ABCA12: variants seen among roughly 807,000 people sequenced by gnomAD.
ABCA12 encodes the protein glucosylceramide transporter ABCA12.
ABCA12 carries 156 observed loss-of-function variants against 293.5 expected under a neutral mutation model. The ratio of observed to expected loss-of-function variants is 0.53; its 90% CI spans 0.47 to 0.61. The LOEUF is 0.61. ABCA12 is among the 20% of genes least tolerant of loss of function. ABCA12 has a pLI of 0.00. For synonymous variants in ABCA12, 1,063 were observed against 1,108.0 expected (o/e 0.96, Z 0.81); for missense variants, 2,797 against 3,090.2 (o/e 0.91, Z 2.25).
Position 214,954,042 on chromosome 2 carries a change from G to C in ABCA12, c.6459C>G (p.Gly2153=). Reference sequence around the variant, plus strand: ...GTTGAGAAAGTTCAATCAAACCGTAGCCAAAACAGAATTGTGGGAAAATCA... The same window carrying C: ...GTTGAGAAAGTTCAATCAAACCGTACCCAAAACAGAATTGTGGGAAAATCA... ...IFLIFPQFCF[G]YGLIELSQQQ... is the part of the protein sequence containing the mutation. The change falls in exon 44 of 53, where the codon GGC becomes GGG. Residue 2153 remains glycine (G), a synonymous_variant. Coordinates refer to ENST00000272895, the MANE Select transcript of ABCA12 (RefSeq NM_173076.3). 6.2e-7 allele frequency: 1 copy of C among 1,613,992 alleles called. No homozygotes were observed. Among genetic ancestry groups the C allele is most frequent in the Non-Finnish European group, 8.5e-7 (1 of 1,179,964 alleles).
intron 11 of ABCA12, among the ~76,000 whole-genome samples, chr2:215,024,627 A>G (rs1341968875): frequency 6.6e-6 from 1 of 152,190 alleles, no homozygotes; most frequent in Non-Finnish European, 1.5e-5. Flanking sequence ...GCTAAAATGT[A>G]GGTAATGGTA....
chr2:215,090,762 C>T (rs932660916), intron 2 of ABCA12, among the ~76,000 whole-genome samples: 2 of 152,036 alleles, frequency 1.3e-5, no homozygotes, highest in Non-Finnish European at 2.9e-5. Context: ...TACCCACTGC[C>T]CTCTCTCCAT....
chr2:215,018,900 G>T (rs746071537), intron 13 of ABCA12, among the ~76,000 whole-genome samples: 1 of 152,086 alleles, frequency 6.6e-6, no homozygotes, highest in Non-Finnish European at 1.5e-5. Context: ...AAGAAGAAAC[G>T]TATTGCATGA....
chr2:215,011,839 G>T, intron 16 of ABCA12, 132 bp downstream of exon 16: 2 of 1,195,860 alleles, frequency 1.7e-6, no homozygotes, highest in Non-Finnish European at 2.4e-6. Context: ...AGTGTTGCTA[G>T]GTAGAAGAGT....
intron 8 of ABCA12, among the ~76,000 whole-genome samples, chr2:215,033,553 A>G (rs748650378): frequency 9.2e-5 from 14 of 152,226 alleles, no homozygotes; most frequent in Non-Finnish European, 1.8e-4. Flanking sequence ...GAGAAATACT[A>G]TACTAAACAG....
Position 215,001,503 on chromosome 2 carries a change from A to G in ABCA12, c.2863+55T>C, listed in dbSNP as rs920979505. The stretch of plus-strand genomic sequence containing the variant: ...TCTGGATGAAAGACATGAGGAAAGA[A>G]TTTGGCCAATTTTAGCACAAAGAGA... On this transcript the variant is annotated intron_variant, in intron 21 of 52. Transcript: ENST00000272895. 9.3e-6 allele frequency: 15 copies of G among 1,609,760 alleles called. No individual in the cohort carries two copies. In the African/African-American group the frequency reaches 1.9e-4, roughly 20 times the overall value.
At chr2:214,954,527 TAGA>T (rs1176139805) in intron 43 of ABCA12, among the ~76,000 whole-genome samples, 1 of 152,076 alleles carries the variant, frequency 6.6e-6, no homozygotes, top group East Asian at 1.9e-4. Context: ...TGAAATGAGG[TAGA>T]AGAAGAGCCA....
chr2:215,100,677 T>C (rs1268787747), intron 2 of ABCA12, among the ~76,000 whole-genome samples: 1 of 152,190 alleles, frequency 6.6e-6, no homozygotes, highest in African/African-American at 2.4e-5. Context: ...CACTTTACAA[T>C]TCCATCGTAA....
rs1363727594 is a variant in ABCA12 at position 214,990,978 on chromosome 2, T to C, written c.3348A>G (p.Ile1116Met). 4 of 1,613,424 alleles carry C rather than the reference T, an allele frequency of 2.5e-6. No individual in the cohort carries two copies. Among genetic ancestry groups the C allele is most frequent in the Non-Finnish European group, 3.4e-6 (4 of 1,179,404 alleles). ...NSCSHFFAWL[I>M]ESVGFLLVTI... is the part of the protein sequence containing the mutation. The stretch of plus-strand genomic sequence containing the variant: ...TAACCAGTAAAAATCCAACACTCTC[T>C]ATAAGCCAGGCAAAGAAATGGCTGC... The change falls in exon 24 of 53, where the codon ATA becomes ATG. Residue 1116 changes from isoleucine to methionine, a missense_variant. This residue lies in a region of ABCA12 where 2,130 missense variants were observed against 2,427.0 expected (regional missense o/e 0.88). Transcript: ENST00000272895.
chr2:215,092,041 T>G (rs536365740), intron 2 of ABCA12, among the ~76,000 whole-genome samples: 1 of 152,326 alleles, frequency 6.6e-6, no homozygotes, highest in East Asian at 1.9e-4. Context: ...CCTTCCCAGA[T>G]CTTCTCAGAT....
At position 214,990,931 on chromosome 2, in the gene ABCA12, A is replaced by G. The variant is rs750719102; in HGVS notation, c.3395T>C (p.Ile1132Thr). 2.4e-5 allele frequency: 39 copies of G among 1,614,092 alleles called. No homozygotes were observed. The South Asian group carries it at 4.3e-4, about 18-fold the overall frequency. The change falls in exon 24 of 53, where the codon ATA becomes ACA. Residue 1132 changes from isoleucine to threonine, a missense_variant. Ile to Thr is a moderately conservative substitution (Grantham distance 89). Transcript: ENST00000272895. ...AGGAAGAATATTGCCAAACTTGAGT[A>G]TAATGATGAGGATCACGATGGTAAC... is the stretch of plus-strand genomic sequence containing the variant. Reference protein sequence around the residue: ...LLVTIVILIIILKFGNILPKT... With the variant: ...LLVTIVILIITLKFGNILPKT...
In ABCA12 at chr2:215,130,636, T is replaced by C. The variant is rs1703033179; in HGVS notation, c.69+7504A>G. ...CCTAGAAGACTTCTAGAGGAGTCTTTAGGGTTTTTTAGGTATATGATCATG... is the reference window on the plus strand; with the variant it reads ...CCTAGAAGACTTCTAGAGGAGTCTTCAGGGTTTTTTAGGTATATGATCATG... On this transcript the variant is annotated intron_variant, in intron 1 of 52. Transcript: ENST00000272895. 2.0e-5 allele frequency among the ~76,000 whole-genome samples: 3 copies of C among 152,124 alleles called. No individual in the cohort carries two copies. In the South Asian group the frequency reaches 6.2e-4, roughly 31 times the overall value.
chr2:215,014,040 G>A (rs182296062), intron 15 of ABCA12, among the ~76,000 whole-genome samples: 29 of 152,160 alleles, frequency 1.9e-4, no homozygotes, highest in African/African-American at 6.3e-4. Flanking sequence ...AATTAGCCGG[G>A]TGTGGTAGCA....
At chr2:215,081,527 A>C (rs970297632) in intron 2 of ABCA12, among the ~76,000 whole-genome samples, 22 of 151,266 alleles carry the variant, frequency 1.5e-4, no homozygotes, top group African/African-American at 5.3e-4. Flanking sequence ...AAGAAAAAGT[A>C]AAAGAAAAAG....
chr2:214,979,994 C>T (rs1422345666), intron 31 of ABCA12, among the ~76,000 whole-genome samples: 1 of 152,190 alleles, frequency 6.6e-6, no homozygotes, highest in Non-Finnish European at 1.5e-5. Flanking sequence ...GTGCAAATTA[C>T]AGTCCCTGCA....
At chr2:215,043,621 G>A (rs571596658) in intron 7 of ABCA12, among the ~76,000 whole-genome samples, 1 of 152,008 alleles carries the variant, frequency 6.6e-6, no homozygotes, top group East Asian at 1.9e-4. Flanking sequence ...TTTCATTGAG[G>A]TATAATTTAA....
At chr2:215,055,147 A>G (rs1316414135) in intron 3 of ABCA12, among the ~76,000 whole-genome samples, 4 of 152,124 alleles carry the variant, frequency 2.6e-5, no homozygotes, top group African/African-American at 9.7e-5. Context: ...AGAAAGGCCA[A>G]ACATTTATTG....
In ABCA12 at chr2:215,138,223, A is replaced by G; in HGVS notation, c.-15T>C. On this transcript the variant is annotated 5_prime_UTR_variant, in exon 1 of 53. Transcript: ENST00000272895. ...AGGGAAGCCATCCTTCAAATGCCCC[A>G]AATGAGAGATTTCCTCTTCTTTTCT... 1 of 1,613,900 alleles carries G rather than the reference A, an allele frequency of 6.2e-7. No individual in the cohort carries two copies. The highest frequency in any genetic ancestry group is 8.5e-7 in the Non-Finnish European group (1 of 1,179,836).
Position 215,131,699 on chromosome 2 carries a change from AT to A in ABCA12, c.69+6440del, listed in dbSNP as rs1461642879. 4.6e-3 allele frequency among the ~76,000 whole-genome samples: 178 copies of A among 38,614 alleles called. 1 individual carries two copies. Among genetic ancestry groups the A allele is most frequent in the African/African-American group, 0.014 (138 of 10,090 alleles). The allele number at this position is 38,614 out of a possible 152,430, so 25.3% of individuals were successfully genotyped here. A position where few individuals can be genotyped will look rare whatever the true frequency, so the allele number is the denominator to read the frequency against. Reference sequence around the variant, plus strand: ...AACTTTTCATTCATTGATCCTTTCTATTGTTTTTTTTTTTTTTTTTTTTGGC... The same window carrying A: ...AACTTTTCATTCATTGATCCTTTCTATGTTTTTTTTTTTTTTTTTTTTGGC... On this transcript the variant is annotated intron_variant, in intron 1 of 52. Transcript: ENST00000272895.
Sources: gnomAD v4.1 joint callset for allele counts (sites outside exome capture counted in the v4.1 genomes callset) on GRCh38, gnomAD v4.1.1 for gene constraint, gnomAD v4.1.1 regional missense constraint, MANE v1.5 for transcripts, NCBI Gene and HGNC (gene_info 2026-07-23, HGNC 2026-07-21) for gene names.